Variants in IL1RAPL1 observed in about 807,000 individuals in gnomAD.
IL1RAPL1 encodes the protein interleukin-1 receptor accessory protein-like 1.
Under a neutral mutation model 48.4 loss-of-function variants are expected in IL1RAPL1, and 3 were observed. The ratio of observed to expected loss-of-function variants is 0.06; its 90% CI spans 0.03 to 0.16. IL1RAPL1 has a LOEUF of 0.16. IL1RAPL1 is among the 10% of genes least tolerant of loss of function. The pLI is 1.00. For missense variants in IL1RAPL1, 349 were observed against 530.6 expected, an observed-to-expected ratio of 0.66 and a Z score of 3.36; for synonymous variants, 185 against 187.7, an observed-to-expected ratio of 0.99 and a Z score of 0.12.
chrX:28,768,751 C>CTATA (rs1319423117), intron 1 of IL1RAPL1, among the ~76,000 whole-genome samples: 160 of 63,276 alleles, frequency 2.5e-3, no homozygotes, highest in African/African-American at 7.0e-3. Context: ...CTCTCTCTCT[C>CTATA]TCTCTATATA....
At chrX:29,680,441 G>C (rs191367948) in intron 6 of IL1RAPL1, among the ~76,000 whole-genome samples, 1 of 110,942 alleles carries the variant, frequency 9.0e-6, no homozygotes, top group Non-Finnish European at 1.9e-5. Context: ...AATTTTGGAC[G>C]GATCACTATG....
chrX:29,029,691 T>C (rs1315946946), intron 2 of IL1RAPL1, among the ~76,000 whole-genome samples: 1 of 112,047 alleles, frequency 8.9e-6, no homozygotes, highest in African/African-American at 3.2e-5. Context: ...CATTTTTCAC[T>C]GGTCTTTTCA....
At chrX:29,383,541 G>A (rs761992357) in intron 3 of IL1RAPL1, among the ~76,000 whole-genome samples, 1 of 111,655 alleles carries the variant, frequency 9.0e-6, no homozygotes, top group African/African-American at 3.3e-5. Flanking sequence ...GTCATATTCT[G>A]AGCATGTTTA....
At chrX:28,718,208 G>A (rs922943131) in intron 1 of IL1RAPL1, among the ~76,000 whole-genome samples, 1 of 111,199 alleles carries the variant, frequency 9.0e-6, no homozygotes, top group Non-Finnish European at 1.9e-5. Context: ...TCAGTAAAAT[G>A]CATTAATACA....
chrX:29,602,329 C>T (rs1923752862), intron 5 of IL1RAPL1, among the ~76,000 whole-genome samples: 1 of 111,464 alleles, frequency 9.0e-6, no homozygotes, highest in African/African-American at 3.3e-5. Context: ...CATTAGAGGC[C>T]AATTTGCCCA....
intron 5 of IL1RAPL1, among the ~76,000 whole-genome samples, chrX:29,558,577 C>T (rs1922082961): frequency 9.0e-6 from 1 of 111,584 alleles, no homozygotes; most frequent in Non-Finnish European, 1.9e-5. Context: ...GCTCATGTTG[C>T]CTATATTTTT....
chrX:29,444,029 A>C (rs1379410670), intron 5 of IL1RAPL1, among the ~76,000 whole-genome samples: 1 of 112,577 alleles, frequency 8.9e-6, no homozygotes, highest in African/African-American at 3.2e-5. Context: ...TGTTAGAAGA[A>C]GTTGCAACAA....
Position 29,389,138 on chromosome X carries a change from C to T in IL1RAPL1, c.363-7120C>T, listed in dbSNP as rs369447296. On this transcript the variant is annotated intron_variant, in intron 3 of 10. Coordinates refer to ENST00000378993, the MANE Select transcript of IL1RAPL1 (RefSeq NM_014271.4). The stretch of plus-strand genomic sequence containing the variant: ...TTGGGAGGCCGAGGCAGGTGGATCA[C>T]GAGGTCAGGAGATCAAGACCAGCCT... Among the ~76,000 whole-genome samples the T allele has an allele frequency of 1.6e-3, 175 of 110,307 alleles. 4 individuals are homozygous for T. The South Asian group carries it at 0.056, about 35-fold the overall frequency.
rs186396128 is a variant in IL1RAPL1, at chrX:29,924,259, G to T, written c.1057+4165G>T. On this transcript the variant is annotated intron_variant, in intron 8 of 10. Transcript: ENST00000378993. The stretch of plus-strand genomic sequence containing the variant: ...CTGGCTAATGAAGGATGCAGCAATT[G>T]TGTGTTCCATTAAAAATTCCCTGAA... 2.7e-5 allele frequency among the ~76,000 whole-genome samples: 3 copies of T among 112,075 alleles called. No homozygotes were observed. The Admixed American group carries it at 2.8e-4, about 11-fold the overall frequency.
chrX:29,213,306 A>G (rs778647060), intron 2 of IL1RAPL1, among the ~76,000 whole-genome samples: 10 of 112,276 alleles, frequency 8.9e-5, no homozygotes, highest in Non-Finnish European at 1.7e-4. Context: ...CCAGAATTAG[A>G]CAACTTCTAA....
chrX:29,943,869 G>A (rs923421571), intron 9 of IL1RAPL1, among the ~76,000 whole-genome samples: 1 of 111,985 alleles, frequency 8.9e-6, no homozygotes. Flanking sequence ...ACTGACTTGG[G>A]TAGCCTTACC....
intron 2 of IL1RAPL1, among the ~76,000 whole-genome samples, chrX:29,243,063 C>T (rs1235777507): frequency 8.9e-6 from 1 of 111,780 alleles, no homozygotes; most frequent in Non-Finnish European, 1.9e-5. Flanking sequence ...TTACATGTTC[C>T]CCGGGGGGTT....
chrX:29,755,917 T>C (rs5927181), intron 6 of IL1RAPL1, among the ~76,000 whole-genome samples: 56,038 of 110,599 alleles, frequency 0.51, 11,328 homozygotes, highest in African/African-American at 0.76. Context: ...TTAAGATCAC[T>C]GGCTTTAGCA....
At chrX:29,652,784 G>A (rs1474500628) in intron 5 of IL1RAPL1, among the ~76,000 whole-genome samples, 2 of 111,543 alleles carry the variant, frequency 1.8e-5, no homozygotes, top group African/African-American at 6.5e-5. Context: ...TTCAAGCCTG[G>A]CCCTGATCAG....
intron 5 of IL1RAPL1, among the ~76,000 whole-genome samples, chrX:29,453,176 C>T (rs781408642): frequency 2.7e-5 from 3 of 109,538 alleles, no homozygotes; most frequent in South Asian, 4.0e-4. Context: ...TCCGCCACCT[C>T]GGCCTCCCAA....
intron 6 of IL1RAPL1, among the ~76,000 whole-genome samples, chrX:29,899,217 C>A (rs1281569273): frequency 9.0e-6 from 1 of 110,683 alleles, no homozygotes; most frequent in Non-Finnish European, 1.9e-5. Context: ...CATGGAAAGT[C>A]AGATTGGGAA....
intron 5 of IL1RAPL1, among the ~76,000 whole-genome samples, chrX:29,427,134 C>T (rs1490728993): frequency 9.0e-6 from 1 of 111,352 alleles, no homozygotes; most frequent in Non-Finnish European, 1.9e-5. Context: ...ACTTATTTGC[C>T]CCGTATGGTT....
chrX:29,668,700 A>C (rs1926066035), intron 6 of IL1RAPL1, among the ~76,000 whole-genome samples, 196 bp downstream of exon 6: 1 of 111,765 alleles, frequency 8.9e-6, no homozygotes, highest in Non-Finnish European at 1.9e-5. Flanking sequence ...GGACATATGG[A>C]TGTAAAAACT....
At position 28,969,864 on chromosome X, in the gene IL1RAPL1, CAT is replaced by C. The variant is rs752059677; in HGVS notation, c.82+180448_82+180449del. Among the ~76,000 whole-genome samples the C allele has an allele frequency of 3.0e-3, 290 of 97,966 alleles. 13 individuals are homozygous for C. The highest frequency in any genetic ancestry group is 3.8e-3 in the Non-Finnish European group (190 of 49,351). 85.1% of individuals were successfully genotyped at this position (97,966 alleles called of 115,157 possible). A position where few individuals can be genotyped will look rare whatever the true frequency, so the allele number is the denominator to read the frequency against. On this transcript the variant is annotated intron_variant, in intron 2 of 10. Coordinates refer to ENST00000378993, the MANE Select transcript of IL1RAPL1 (RefSeq NM_014271.4). The stretch of plus-strand genomic sequence containing the variant: ...TTCTAAACATATATGTTTCTAAACA[CAT>C]ATATATATGTTTCTAAACACATATA...
Sources: allele counts gnomAD v4.1 joint callset (sites outside exome capture counted in the v4.1 genomes callset), GRCh38; gene constraint gnomAD v4.1.1; transcripts MANE v1.5; gene names NCBI Gene and HGNC (gene_info 2026-07-23, HGNC 2026-07-21).